The following COL11A1 variants were observed in gnomAD, a reference collection of about 807,000 sequenced individuals.
COL11A1 encodes the protein collagen alpha-1(XI) chain.
COL11A1 carries 74 observed loss-of-function variants against 265.2 expected under a neutral mutation model. The ratio of observed to expected loss-of-function variants is 0.28; its 90% confidence interval spans 0.23 to 0.34. The LOEUF (loss-of-function observed/expected upper bound fraction) is 0.34. Among genes scored for constraint, COL11A1 ranks in the 10% least tolerant of loss-of-function variants. The probability of loss-of-function intolerance (pLI) is 1.00; values close to 1 mark genes in which losing one functional copy is unlikely to be tolerated. For missense variants in COL11A1, 2,165 were observed against 2,263.6 expected (o/e 0.96, Z 0.88); for synonymous variants, 816 against 727.6 (o/e 1.12, Z -1.96).
intron 41 of COL11A1, among the ~76,000 whole-genome samples, chr1:102,956,489 C>T (rs903723907): frequency 6.6e-6 from 1 of 151,866 alleles, no homozygotes; most frequent in Non-Finnish European, 1.5e-5. Context: ...AAATAGTATG[C>T]ATAAAATATT....
At chr1:102,909,896 A>T (rs1250081832) in intron 54 of COL11A1, among the ~76,000 whole-genome samples, 2 of 151,148 alleles carry the variant, frequency 1.3e-5, no homozygotes, top group African/African-American at 2.4e-5. Flanking sequence ...AATATATTTT[A>T]AAAATATGTT....
In COL11A1 at chr1:103,006,333, A is replaced by G; in HGVS notation, c.1684-18T>C. On this transcript the variant is annotated intron_variant, in intron 15 of 66. Coordinates refer to ENST00000370096, the MANE Select transcript of COL11A1 (RefSeq NM_001854.4). The stretch of plus-strand genomic sequence containing the variant: ...CGAGGGCCCTATATCAAGACATCAT[A>G]ATTAAACCATATTATAGAATTCTTG... The G allele has an allele frequency of 6.3e-7, 1 of 1,598,778 alleles. No homozygotes were observed. Among genetic ancestry groups the G allele is most frequent in the Non-Finnish European group, 8.5e-7 (1 of 1,169,746 alleles).
chr1:103,004,406 T>G (rs1665405193), intron 20 of COL11A1, 38 bp downstream of exon 20: 1 of 1,531,848 alleles, frequency 6.5e-7, no homozygotes, highest in Admixed American at 1.7e-5. Context: ...TCCTAAAAAC[T>G]AGAAATATTA....
At chr1:102,937,632 G>T (rs1658280522) in intron 44 of COL11A1, among the ~76,000 whole-genome samples, 1 of 152,110 alleles carries the variant, frequency 6.6e-6, no homozygotes, top group Non-Finnish European at 1.5e-5. Context: ...TTGTTTTAAA[G>T]TCAGCACTCC....
chr1:103,017,676 A>G (rs1571048458), intron 11 of COL11A1, 144 bp downstream of exon 11: 1 of 715,316 alleles, frequency 1.4e-6, no homozygotes, highest in East Asian at 2.7e-5. Context: ...AATGTTAACT[A>G]AAATGTTGTG....
chr1:103,026,080 T>A (rs1229437984), intron 6 of COL11A1, 136 bp downstream of exon 6: 1 of 1,224,402 alleles, frequency 8.2e-7, no homozygotes, highest in African/African-American at 1.5e-5. Flanking sequence ...TACTGTCAAA[T>A]AAAAATCACA....
chr1:103,008,383 A>C, intron 15 of COL11A1, 80 bp downstream of exon 15: 1 of 1,161,040 alleles, frequency 8.6e-7, no homozygotes, highest in Non-Finnish European at 1.3e-6. Context: ...AAAAAAATTA[A>C]CTATTGATGC....
chr1:103,090,436 T>C (rs1014726023), intron 1 of COL11A1, among the ~76,000 whole-genome samples: 2 of 152,178 alleles, frequency 1.3e-5, no homozygotes, highest in African/African-American at 4.8e-5. Context: ...ATTTTCCTAC[T>C]ACTAATATTC....
intron 46 of COL11A1, among the ~76,000 whole-genome samples, chr1:102,933,149 T>C (rs1487052402): frequency 2.0e-5 from 3 of 150,316 alleles, no homozygotes; most frequent in Non-Finnish European, 4.4e-5. Context: ...CTGCGTTCCT[T>C]TGGAGGAGGA....
chr1:102,886,333 C>A (rs1650973258), intron 63 of COL11A1, among the ~76,000 whole-genome samples: 1 of 152,074 alleles, frequency 6.6e-6, no homozygotes, highest in South Asian at 2.1e-4. Flanking sequence ...CAAGCTATCC[C>A]AGTTCTTAAT....
At chr1:102,928,600 A>C (rs1656944435) in intron 46 of COL11A1, among the ~76,000 whole-genome samples, 1 of 152,132 alleles carries the variant, frequency 6.6e-6, no homozygotes, top group South Asian at 2.1e-4. Flanking sequence ...AATCCTTTGC[A>C]TATATACCCA....
At chr1:103,020,973 A>G (rs1341552862) in intron 9 of COL11A1, among the ~76,000 whole-genome samples, 1 of 143,928 alleles carries the variant, frequency 6.9e-6, no homozygotes, top group Non-Finnish European at 1.5e-5. Flanking sequence ...ATAACGCTGC[A>G]TATCTACAAC....
At chr1:103,028,020 G>T (rs1179092480) in intron 5 of COL11A1, among the ~76,000 whole-genome samples, 1 of 148,594 alleles carries the variant, frequency 6.7e-6, no homozygotes, top group African/African-American at 2.5e-5. Context: ...TTGTTTGTTT[G>T]TTTTTTGTTT....
At chr1:102,962,609 A>C (rs752998235) in intron 39 of COL11A1, 44 bp downstream of exon 39, 2 of 1,538,506 alleles carry the variant, frequency 1.3e-6, no homozygotes, top group South Asian at 2.2e-5. Context: ...TTAAACATAA[A>C]TTAAAGTTTT....
intron 12 of COL11A1, among the ~76,000 whole-genome samples, chr1:103,015,365 T>C (rs757733628): frequency 6.6e-6 from 1 of 151,898 alleles, no homozygotes; most frequent in African/African-American, 2.4e-5. Flanking sequence ...AATGTTATGT[T>C]AAATAACATA....
chr1:102,915,127 G>T, intron 50 of COL11A1, among the ~76,000 whole-genome samples: 1 of 152,048 alleles, frequency 6.6e-6, no homozygotes, highest in Admixed American at 6.6e-5. Flanking sequence ...GACAATTTTT[G>T]CTGTGGGGAG....
At chr1:103,017,724 G>T (rs527918732) in intron 11 of COL11A1, 96 bp downstream of exon 11, 10 of 1,037,774 alleles carry the variant, frequency 9.6e-6, no homozygotes, top group African/African-American at 6.3e-5. Context: ...CCTCCCACAC[G>T]CAGTAAGATA....
intron 29 of COL11A1, among the ~76,000 whole-genome samples, chr1:102,988,169 A>G (rs1007679189): frequency 6.6e-6 from 1 of 152,054 alleles, no homozygotes; most frequent in Non-Finnish European, 1.5e-5. Flanking sequence ...TGCATTTCTG[A>G]CAACCAGCTG....
At chr1:103,077,692 T>C (rs564016264) in intron 3 of COL11A1, among the ~76,000 whole-genome samples, 2 of 152,186 alleles carry the variant, frequency 1.3e-5, no homozygotes, top group African/African-American at 4.8e-5. Context: ...AGTGATAAAA[T>C]ATTGAGTAAA....
Sources: gnomAD v4.1 joint callset for allele counts (sites outside exome capture counted in the v4.1 genomes callset) on GRCh38, gnomAD v4.1.1 for gene constraint, MANE v1.5 for transcripts, NCBI Gene and HGNC (gene_info 2026-07-23, HGNC 2026-07-21) for gene names.